DCDC2: variants seen among roughly 807,000 people sequenced by gnomAD.
DCDC2 encodes the protein doublecortin domain containing 2, also known as doublecortin domain-containing protein 2.
In DCDC2, 40 loss-of-function variants were observed where a neutral mutation model predicts 50.2. The ratio of observed to expected loss-of-function variants is 0.80; its 90% CI spans 0.62 to 1.04. The LOEUF is 1.04. DCDC2 is among the 50% of genes least tolerant of loss of function. The pLI is 0.00. For synonymous variants in DCDC2, 234 were observed against 210.6 expected (o/e 1.11, Z -0.96); for missense variants, 570 against 581.9 (o/e 0.98, Z 0.21).
In DCDC2 at chr6:24,205,007, CG is replaced by C; in HGVS notation, c.1017del (p.Asp340IlefsTer7). On this transcript the variant is annotated frameshift_variant, in exon 8 of 10. Transcript: ENST00000378454. LOFTEE classifies it high-confidence loss of function. ...EDEDTQVEVPVDQRPAEIVDE... is the reference protein window; with the variant it reads ...EDEDTQVEVPXDQRPAEIVDE... Reference sequence around the variant, plus strand: ...TTTTAAGGCATGGAGATTACCTGATCGACTGGAACCTCAACCTGAGTATCTT... The same window carrying C: ...TTTTAAGGCATGGAGATTACCTGATCACTGGAACCTCAACCTGAGTATCTT... 6.2e-7 allele frequency: 1 copy of C among 1,612,900 alleles called. No individual in the cohort carries two copies. Among genetic ancestry groups the C allele is most frequent in the South Asian group, 1.1e-5 (1 of 90,880 alleles).
chr6:24,268,672 A>C (rs2113811795), intron 7 of DCDC2, among the ~76,000 whole-genome samples: 1 of 151,598 alleles, frequency 6.6e-6, no homozygotes, highest in Admixed American at 6.6e-5. Context: ...CCTGGGTTCA[A>C]GCAATTCTCA....
At position 24,223,593 on chromosome 6, in the gene DCDC2, A is replaced by G. The variant is rs148373400; in HGVS notation, c.923-18491T>C. 4.0e-3 allele frequency among the ~76,000 whole-genome samples: 612 copies of G among 152,364 alleles called. 3 individuals carry two copies. Among genetic ancestry groups the G allele is most frequent in the Middle Eastern group, 0.034 (10 of 294 alleles). ...ATAACTGAATAAATGCATAAATGATAGATAATCCCCAAAAGAAAATTCTAC... is the reference window on the plus strand; with the variant it reads ...ATAACTGAATAAATGCATAAATGATGGATAATCCCCAAAAGAAAATTCTAC... On this transcript the variant is annotated intron_variant, in intron 7 of 9. Transcript: ENST00000378454.
chr6:24,287,105 T>C (rs554963642), intron 6 of DCDC2, among the ~76,000 whole-genome samples: 1 of 152,308 alleles, frequency 6.6e-6, no homozygotes, highest in African/African-American at 2.4e-5. Context: ...GGCTGCCCTC[T>C]ATTCAAGGAC....
intron 7 of DCDC2, among the ~76,000 whole-genome samples, chr6:24,266,806 G>A (rs1352315381): frequency 2.0e-5 from 3 of 152,106 alleles, no homozygotes; most frequent in African/African-American, 7.2e-5. Context: ...CACTGCTAGG[G>A]ATATACCCAA....
At chr6:24,238,006 C>T (rs563659066) in intron 7 of DCDC2, among the ~76,000 whole-genome samples, 3 of 148,252 alleles carry the variant, frequency 2.0e-5, no homozygotes, top group African/African-American at 7.5e-5. Context: ...CAGATGTACC[C>T]CAAACCATAG....
intron 9 of DCDC2, 116 bp downstream of exon 9, chr6:24,178,214 C>T: frequency 9.6e-7 from 1 of 1,038,978 alleles, no homozygotes; most frequent in Non-Finnish European, 1.4e-6. Context: ...CTTTCCTACT[C>T]AACCACAAGT....
At chr6:24,330,603 G>A (rs1429204301) in intron 2 of DCDC2, among the ~76,000 whole-genome samples, 1 of 152,136 alleles carries the variant, frequency 6.6e-6, no homozygotes, top group Non-Finnish European at 1.5e-5. Context: ...TGCAAGGCAG[G>A]CTATCTTTGC....
Position 24,318,780 on chromosome 6 carries a change from C to CGTGTGTGT in DCDC2, c.349-16744_349-16737dup, listed in dbSNP as rs57175093. 2.9e-4 allele frequency among the ~76,000 whole-genome samples: 43 copies of CGTGTGTGT among 149,674 alleles called. No homozygotes were observed. The South Asian group carries it at 3.0e-3, about 10-fold the overall frequency. ...AATAATATTCCGTTTTATATACGTA[C>CGTGTGTGT]GTGTGTGTGTGTGTGTGTGTATTAT... On this transcript the variant is annotated intron_variant, in intron 2 of 9. Coordinates refer to ENST00000378454, the MANE Select transcript of DCDC2 (RefSeq NM_016356.5).
At chr6:24,278,883 G>T (rs757768159) in intron 6 of DCDC2, among the ~76,000 whole-genome samples, 1 of 152,084 alleles carries the variant, frequency 6.6e-6, no homozygotes, top group Admixed American at 6.6e-5. Flanking sequence ...TCTAAGAATC[G>T]CAAATCCAGA....
chr6:24,176,637 G>T (rs752840817), intron 9 of DCDC2, among the ~76,000 whole-genome samples: 19 of 152,146 alleles, frequency 1.2e-4, no homozygotes, highest in South Asian at 4.1e-4. Flanking sequence ...CTTCAAATCT[G>T]CTCTGTTAGT....
intron 7 of DCDC2, among the ~76,000 whole-genome samples, chr6:24,261,181 T>C (rs774976001): frequency 3.3e-5 from 5 of 149,694 alleles, no homozygotes; most frequent in East Asian, 2.0e-4. Context: ...CTTCATTAAG[T>C]ACATTTTAAA....
intron 7 of DCDC2, among the ~76,000 whole-genome samples, chr6:24,256,938 T>C (rs1056210362): frequency 1.3e-5 from 2 of 152,214 alleles, no homozygotes; most frequent in African/African-American, 4.8e-5. Context: ...CTCAACCACG[T>C]TGACTTTTTA....
At chr6:24,319,965 C>A (rs935849794) in intron 2 of DCDC2, among the ~76,000 whole-genome samples, 17 of 152,002 alleles carry the variant, frequency 1.1e-4, no homozygotes, top group African/African-American at 4.1e-4. Flanking sequence ...AACAAATGAA[C>A]CTAACTGTGT....
At chr6:24,275,855 C>T (rs560200714) in intron 7 of DCDC2, among the ~76,000 whole-genome samples, 79 of 143,888 alleles carry the variant, frequency 5.5e-4, no homozygotes, top group African/African-American at 2.0e-3. Context: ...AGCAAAAATG[C>T]CAATAATTCA....
intron 7 of DCDC2, among the ~76,000 whole-genome samples, chr6:24,234,138 G>C (rs919854452): frequency 6.6e-6 from 1 of 151,982 alleles, no homozygotes; most frequent in Admixed American, 6.6e-5. Context: ...CCTAGGGAAA[G>C]GTCACACCTA....
chr6:24,270,005 G>A (rs1401432972), intron 7 of DCDC2, among the ~76,000 whole-genome samples: 1 of 151,670 alleles, frequency 6.6e-6, no homozygotes, highest in Non-Finnish European at 1.5e-5. Flanking sequence ...GAGAGTAGAA[G>A]AAGAAACAAA....
At chr6:24,229,311 C>G (rs981923145) in intron 7 of DCDC2, among the ~76,000 whole-genome samples, 12 of 152,162 alleles carry the variant, frequency 7.9e-5, no homozygotes, top group African/African-American at 2.7e-4. Context: ...ATCCTTAGAG[C>G]CGGCCATGGC....
intron 7 of DCDC2, among the ~76,000 whole-genome samples, chr6:24,225,533 G>A (rs73394022): frequency 0.061 from 9,248 of 152,194 alleles, 645 homozygotes; most frequent in African/African-American, 0.17. Flanking sequence ...CTATAAATCA[G>A]TCAACCATGC....
intron 6 of DCDC2, among the ~76,000 whole-genome samples, chr6:24,284,695 A>G (rs760800739): frequency 5.9e-5 from 9 of 151,994 alleles, no homozygotes; most frequent in Non-Finnish European, 1.2e-4. Flanking sequence ...ATCAAGAAAT[A>G]AAATCCAAAC....
Sources: gnomAD v4.1 joint callset for allele counts (sites outside exome capture counted in the v4.1 genomes callset) on GRCh38, gnomAD v4.1.1 for gene constraint, MANE v1.5 for transcripts, NCBI Gene and HGNC (gene_info 2026-07-23, HGNC 2026-07-21) for gene names.